Variants in ZNF423 observed in about 807,000 individuals in gnomAD.
ZNF423 encodes Ebf-associated zinc finger protein.
A neutral mutation model predicts 95.8 loss-of-function variants in ZNF423; 12 were observed. The ratio of observed to expected loss-of-function variants is 0.13; its 90% CI spans 0.08 to 0.20. The LOEUF (loss-of-function observed/expected upper bound fraction) is 0.20, where lower values mean the gene tolerates loss of function less well. Among genes scored for constraint, ZNF423 ranks in the 10% least tolerant of loss-of-function variants. The probability of loss-of-function intolerance (pLI) is 1.00; values close to 1 mark genes in which losing one functional copy is unlikely to be tolerated. For synonymous variants in ZNF423, 749 were observed against 711.9 expected, an observed-to-expected ratio of 1.05 and a Z score of -0.83; for missense variants, 1,316 against 1,737.1, an observed-to-expected ratio of 0.76 and a Z score of 4.31.
chr16:49,629,436 A>G (rs904890002), intron 4 of ZNF423, among the ~76,000 whole-genome samples: 2 of 152,012 alleles, frequency 1.3e-5, no homozygotes, highest in African/African-American at 2.4e-5. Flanking sequence ...TTCCACCCAC[A>G]CCCACAGTTC....
chr16:49,604,650 G>A (rs1359999531), intron 5 of ZNF423, among the ~76,000 whole-genome samples: 1 of 152,180 alleles, frequency 6.6e-6, no homozygotes, highest in East Asian at 1.9e-4. Context: ...ATCACGGTCA[G>A]TGCAATCCCT....
At chr16:49,712,994 T>A (rs566160587) in intron 3 of ZNF423, among the ~76,000 whole-genome samples, 41 of 152,362 alleles carry the variant, frequency 2.7e-4, no homozygotes, top group African/African-American at 8.9e-4. Context: ...CTGATTCATG[T>A]CGCCATTTAT....
intron 7 of ZNF423, among the ~76,000 whole-genome samples, chr16:49,495,265 G>A (rs747175824): frequency 6.6e-6 from 1 of 152,194 alleles, no homozygotes; most frequent in Non-Finnish European, 1.5e-5. Flanking sequence ...GGAGGTTTCT[G>A]GTACAGCCTG....
Position 49,570,934 on chromosome 16 carries a change from T to C in ZNF423, c.3602-45440A>G, listed in dbSNP as rs189970538. Among the ~76,000 whole-genome samples the C allele has an allele frequency of 3.9e-5, 6 of 152,138 alleles. No individual in the cohort carries two copies. In the East Asian group the frequency reaches 1.2e-3, roughly 29 times the overall value. On this transcript the variant is annotated intron_variant, in intron 5 of 7. Coordinates refer to ENST00000563137, the MANE Select transcript of ZNF423 (RefSeq NM_001379286.1). ...TCCAGGTCCTGCCCGTGTGCTGGGG[T>C]AGAGCAGGCAGGAGGGTCAAAGGCA... is the stretch of plus-strand genomic sequence containing the variant.
In ZNF423 at chr16:49,638,593, G is replaced by C. The variant is rs1435973042; in HGVS notation, c.583C>G (p.Leu195Val). The C allele has an allele frequency of 6.2e-7, 1 of 1,613,712 alleles. No homozygotes were observed. Among genetic ancestry groups the C allele is most frequent in the African/African-American group, 1.3e-5 (1 of 74,920 alleles). The change falls in exon 4 of 8, where the codon CTG (leucine) becomes GTG (valine). Residue 195 changes from leucine to valine, a missense_variant. Physicochemically the swap from Leu to Val is conservative, Grantham distance 32. Transcript: ENST00000563137. This position sits in a 1 kb window ranked among gnomAD's most constrained non-coding sequence, Gnocchi z 5.6. ...TGATACTTCTTGTCGCCCGTATGCA[G>C]CTTGATGTGCCGGTCACGGCTCCTC... is the stretch of plus-strand genomic sequence containing the variant. ...HKRSRDRHIK[L>V]HTGDKKYHCH...
intron 5 of ZNF423, among the ~76,000 whole-genome samples, chr16:49,611,652 C>T (rs1404290002): frequency 3.3e-5 from 5 of 151,526 alleles, no homozygotes; most frequent in African/African-American, 1.2e-4. Flanking sequence ...GATCAGAAAC[C>T]CTGAAACAGA....
At chr16:49,594,133 G>A (rs2151821110) in intron 5 of ZNF423, among the ~76,000 whole-genome samples, 1 of 152,192 alleles carries the variant, frequency 6.6e-6, no homozygotes, top group African/African-American at 2.4e-5. Flanking sequence ...ACAGAAGTGG[G>A]GACATATCTG....
At position 49,617,218 on chromosome 16, in the gene ZNF423, C is replaced by T. The variant is rs561595829; in HGVS notation, c.3601+8952G>A. 3.1e-3 allele frequency among the ~76,000 whole-genome samples: 479 copies of T among 152,296 alleles called. 2 individuals are homozygous for T. Among genetic ancestry groups the T allele is most frequent in the Non-Finnish European group, 4.8e-3 (326 of 68,016 alleles). On this transcript the variant is annotated intron_variant, in intron 5 of 7. Coordinates refer to ENST00000563137, the MANE Select transcript of ZNF423 (RefSeq NM_001379286.1). The stretch of plus-strand genomic sequence containing the variant: ...CGCTCCTGAGGCCAGTGGAAGAGGC[C>T]TTCCACTTTCTCCCCGCTGGGCCCC...
At chr16:49,788,703 C>A (rs2034358701) in intron 2 of ZNF423, among the ~76,000 whole-genome samples, 1 of 152,208 alleles carries the variant, frequency 6.6e-6, no homozygotes, top group Admixed American at 6.5e-5. Context: ...GCAGGCCTGG[C>A]CCAAGGCAGG....
At chr16:49,555,491 G>T (rs897252873) in intron 5 of ZNF423, among the ~76,000 whole-genome samples, 4 of 152,244 alleles carry the variant, frequency 2.6e-5, no homozygotes, top group African/African-American at 9.6e-5. Flanking sequence ...AGACGAAAGG[G>T]TTAACACACG....
At chr16:49,634,771 C>T (rs1304649586) in intron 4 of ZNF423, among the ~76,000 whole-genome samples, 1 of 152,146 alleles carries the variant, frequency 6.6e-6, no homozygotes, top group South Asian at 2.1e-4. Flanking sequence ...CACCCAAGGG[C>T]CACACAGACT....
At chr16:49,779,642 C>A (rs573251555) in intron 2 of ZNF423, among the ~76,000 whole-genome samples, 68 of 152,212 alleles carry the variant, frequency 4.5e-4, no homozygotes, top group African/African-American at 1.3e-3. Context: ...TGGCACCCCA[C>A]CCCACACACC....
chr16:49,530,234 C>A (rs1422381082), intron 5 of ZNF423, among the ~76,000 whole-genome samples: 2 of 152,060 alleles, frequency 1.3e-5, no homozygotes, highest in African/African-American at 2.4e-5. Flanking sequence ...CTTGCTGAGA[C>A]CCCCAGACCA....
chr16:49,604,975 G>A (rs1971490379), intron 5 of ZNF423, among the ~76,000 whole-genome samples: 1 of 152,224 alleles, frequency 6.6e-6, no homozygotes, highest in African/African-American at 2.4e-5. Context: ...AGGGGGAAAT[G>A]TATTACCACT....
intron 1 of ZNF423, among the ~76,000 whole-genome samples, chr16:49,838,267 A>C (rs945503696): frequency 2.0e-5 from 3 of 152,174 alleles, no homozygotes; most frequent in Admixed American, 2.0e-4. Flanking sequence ...CTGGGGCTGG[A>C]GTGCCTCCGT....
At chr16:49,807,944 T>C (rs538014409) in intron 1 of ZNF423, among the ~76,000 whole-genome samples, 1 of 152,364 alleles carries the variant, frequency 6.6e-6, no homozygotes, top group Non-Finnish European at 1.5e-5. Flanking sequence ...AGTCACGGGA[T>C]GCTTTTCTTC....
At chr16:49,644,681 A>ACC (rs1567528908) in intron 3 of ZNF423, among the ~76,000 whole-genome samples, 2 of 142,242 alleles carry the variant, frequency 1.4e-5, no homozygotes, top group Admixed American at 6.8e-5. Flanking sequence ...AAAAAAAAAA[A>ACC]AAAAAAAAAA....
At chr16:49,649,775 T>A (rs1227661457) in intron 3 of ZNF423, among the ~76,000 whole-genome samples, 1 of 151,700 alleles carries the variant, frequency 6.6e-6, no homozygotes, top group African/African-American at 2.4e-5. Context: ...CCCTGGGACA[T>A]CAAAAGTCCA....
intron 7 of ZNF423, among the ~76,000 whole-genome samples, chr16:49,513,611 A>C (rs1967988400): frequency 6.6e-6 from 1 of 151,080 alleles, no homozygotes; most frequent in Non-Finnish European, 1.5e-5. Context: ...CAGGAGCTCA[A>C]AAAATATGTT....
Sources: allele counts gnomAD v4.1 joint callset (sites outside exome capture counted in the v4.1 genomes callset), GRCh38; gene constraint gnomAD v4.1.1; non-coding constraint Gnocchi (gnomAD v3.1); transcripts MANE v1.5; gene names NCBI Gene and HGNC (gene_info 2026-07-23, HGNC 2026-07-21).